Variants in TUSC3 observed in about 807,000 individuals in gnomAD.
TUSC3 encodes the protein dolichyl-diphosphooligosaccharide--protein glycosyltransferase subunit TUSC3.
TUSC3 carries 45 observed loss-of-function variants against 44.8 expected under a neutral mutation model. The observed-to-expected ratio is 1.00, with a 90% CI of 0.79 to 1.29. TUSC3 has a LOEUF of 1.29. Ranked by LOEUF, TUSC3 falls within the 50% of genes most tolerant of loss-of-function variation. The probability of loss-of-function intolerance (pLI) is 0.00; values close to 1 mark genes in which losing one functional copy is unlikely to be tolerated. For missense variants in TUSC3, 519 were observed against 437.9 expected (o/e 1.19, Z -1.65); for synonymous variants, 212 against 152.9 (o/e 1.39, Z -2.85).
At chr8:15,474,618 T>C in intron 1 of TUSC3, among the ~76,000 whole-genome samples, 1 of 152,150 alleles carries the variant, frequency 6.6e-6, no homozygotes, top group East Asian at 1.9e-4. Flanking sequence ...TTGAGAAAAT[T>C]CAGTAAAGAC....
At chr8:15,608,336 T>C (rs943613894) in intron 1 of TUSC3, among the ~76,000 whole-genome samples, 6 of 152,176 alleles carry the variant, frequency 3.9e-5, no homozygotes, top group Non-Finnish European at 8.8e-5. Flanking sequence ...ATATTGGTGC[T>C]TTTTGTAAAC....
chr8:15,649,514 G>C (rs899337222), intron 2 of TUSC3, among the ~76,000 whole-genome samples: 1 of 151,834 alleles, frequency 6.6e-6, no homozygotes, highest in Admixed American at 6.6e-5. Flanking sequence ...ATCCTGGGAG[G>C]CGGAGCTTGC....
At chr8:15,707,368 T>C (rs2129198056) in intron 6 of TUSC3, among the ~76,000 whole-genome samples, 1 of 152,088 alleles carries the variant, frequency 6.6e-6, no homozygotes, top group Non-Finnish European at 1.5e-5. Context: ...GTCTTTTCAG[T>C]GATTGAATAC....
the TUSC3 span, among the ~76,000 whole-genome samples, chr8:15,823,740 G>C: frequency 2.4e-4 from 37 of 152,256 alleles, no homozygotes; most frequent in African/African-American, 8.2e-4. Flanking sequence ...TAAAATATCA[G>C]TGTTGAAATC....
At chr8:15,686,213 TG>T (rs1332768314) in intron 6 of TUSC3, among the ~76,000 whole-genome samples, 1 of 152,160 alleles carries the variant, frequency 6.6e-6, no homozygotes, top group Admixed American at 6.5e-5. Context: ...AAACAATTTT[TG>T]TTGTTAAAAA....
intron 2 of TUSC3, among the ~76,000 whole-genome samples, chr8:15,626,737 G>T (rs975962824): frequency 2.6e-5 from 4 of 152,192 alleles, no homozygotes; most frequent in African/African-American, 7.2e-5. Context: ...GGCCAGGTGT[G>T]TGCATGCTCA....
intron 2 of TUSC3, among the ~76,000 whole-genome samples, chr8:15,488,088 G>C (rs1244999024): frequency 6.6e-6 from 1 of 152,018 alleles, no homozygotes; most frequent in Non-Finnish European, 1.5e-5. Context: ...AGGGAAGGAA[G>C]ATTTAAAGTA....
chr8:15,781,716 C>T, the TUSC3 span, among the ~76,000 whole-genome samples: 370 of 152,262 alleles, frequency 2.4e-3, 1 homozygote, highest in African/African-American at 8.0e-3. Flanking sequence ...TTCCATGAAA[C>T]GTTCAAAGAA....
chr8:15,540,862 G>T (rs529429223), intron 1 of TUSC3, among the ~76,000 whole-genome samples: 1 of 152,210 alleles, frequency 6.6e-6, no homozygotes, highest in African/African-American at 2.4e-5. Flanking sequence ...TTAGAGCAAT[G>T]GTGCCACTAA....
chr8:15,496,576 AC>A (rs1800883290), intron 2 of TUSC3, among the ~76,000 whole-genome samples: 1 of 152,148 alleles, frequency 6.6e-6, no homozygotes, highest in Non-Finnish European at 1.5e-5. Flanking sequence ...TTTCTCCCTT[AC>A]CAGGCTCAGC....
At chr8:15,810,656 C>T in the TUSC3 span, among the ~76,000 whole-genome samples, 5,035 of 150,950 alleles carry the variant, frequency 0.033, 128 homozygotes, top group Middle Eastern at 0.062. Context: ...GGAGGGGGGG[C>T]GGGAAAGAAA....
At chr8:15,802,635 A>T in the TUSC3 span, among the ~76,000 whole-genome samples, 1 of 150,856 alleles carries the variant, frequency 6.6e-6, no homozygotes, top group Non-Finnish European at 1.5e-5. Flanking sequence ...GCTATAATTC[A>T]TCTATTGAAT....
intron 2 of TUSC3, among the ~76,000 whole-genome samples, chr8:15,493,192 A>C (rs939266887): frequency 6.6e-6 from 1 of 152,146 alleles, no homozygotes; most frequent in African/African-American, 2.4e-5. Context: ...CAAAAATTCC[A>C]CCCTGGTCTC....
chr8:15,499,167 A>G (rs1248798772), intron 2 of TUSC3, among the ~76,000 whole-genome samples: 1 of 152,104 alleles, frequency 6.6e-6, no homozygotes, highest in Non-Finnish European at 1.5e-5. Flanking sequence ...GTTAATGCCA[A>G]GCCCCACTAG....
At chr8:15,514,454 C>G (rs997550298) in intron 2 of TUSC3, among the ~76,000 whole-genome samples, 1 of 152,074 alleles carries the variant, frequency 6.6e-6, no homozygotes, top group African/African-American at 2.4e-5. Context: ...TGCTGTAATA[C>G]TTTAAAAAAT....
Position 15,639,676 on chromosome 8 carries a change from A to G in TUSC3, c.309-11021A>G, listed in dbSNP as rs534696660. ...TTTTAAGCATTTATTCTTGGTTTCA[A>G]TGATTTTAGTTTATGTTAGTCATTT... On this transcript the variant is annotated intron_variant, in intron 2 of 10. Coordinates refer to ENST00000503731, the MANE Select transcript of TUSC3 (RefSeq NM_006765.4). 2.6e-3 allele frequency among the ~76,000 whole-genome samples: 392 copies of G among 151,982 alleles called. 1 individual carries two copies. Among genetic ancestry groups the G allele is most frequent in the African/African-American group, 9.1e-3 (377 of 41,484 alleles).
At chr8:15,669,107 C>T (rs1807815055) in intron 5 of TUSC3, among the ~76,000 whole-genome samples, 1 of 151,660 alleles carries the variant, frequency 6.6e-6, no homozygotes, top group Non-Finnish European at 1.5e-5. Context: ...AGCCATGGCT[C>T]AGTACATTCC....
intron 6 of TUSC3, among the ~76,000 whole-genome samples, chr8:15,719,009 C>T (rs1164659728): frequency 6.6e-6 from 1 of 151,918 alleles, no homozygotes; most frequent in Non-Finnish European, 1.5e-5. Flanking sequence ...AGGATAAGAT[C>T]ACTTCTTACC....
intron 6 of TUSC3, among the ~76,000 whole-genome samples, chr8:15,696,481 G>T (rs1255081412): frequency 6.6e-6 from 1 of 152,178 alleles, no homozygotes; most frequent in African/African-American, 2.4e-5. Context: ...CTGTGGAAGG[G>T]AAATGTGGGG....
Sources: gnomAD v4.1 joint callset for allele counts (sites outside exome capture counted in the v4.1 genomes callset) on GRCh38, gnomAD v4.1.1 for gene constraint, MANE v1.5 for transcripts, NCBI Gene and HGNC (gene_info 2026-07-23, HGNC 2026-07-21) for gene names.